RAD51B: variants seen among roughly 807,000 people sequenced by gnomAD.
RAD51B encodes the protein RAD51 paralog B, also known as DNA repair protein RAD51 homolog 2.
Under a neutral mutation model 42.2 loss-of-function variants are expected in RAD51B, and 38 were observed. The observed-to-expected ratio is 0.90, with a 90% CI of 0.70 to 1.18. The LOEUF is 1.18. Ranked by LOEUF, RAD51B falls within the 50% of genes most tolerant of loss-of-function variation. RAD51B has a pLI of 0.00. For missense variants in RAD51B, 373 were observed against 400.7 expected (o/e 0.93, Z 0.59); for synonymous variants, 154 against 145.2 (o/e 1.06, Z -0.43).
At chr14:67,976,957 A>T (rs1397456407) in intron 7 of RAD51B, among the ~76,000 whole-genome samples, 1 of 152,208 alleles carries the variant, frequency 6.6e-6, no homozygotes, top group Non-Finnish European at 1.5e-5. Context: ...CAAAAAACAC[A>T]TGAAAAAATG....
chr14:68,409,327 G>C (rs2084360528), intron 8 of RAD51B, among the ~76,000 whole-genome samples: 1 of 152,198 alleles, frequency 6.6e-6, no homozygotes, highest in Non-Finnish European at 1.5e-5. Context: ...TGAATTTCAA[G>C]AGAAATGGTA....
chr14:68,246,591 A>G (rs1271763868), intron 7 of RAD51B, among the ~76,000 whole-genome samples: 1 of 152,136 alleles, frequency 6.6e-6, no homozygotes, highest in Non-Finnish European at 1.5e-5. Context: ...GGCAGGAGTT[A>G]TCTTCTTTAC....
At chr14:68,192,901 T>C (rs1284426304) in intron 7 of RAD51B, among the ~76,000 whole-genome samples, 1 of 152,224 alleles carries the variant, frequency 6.6e-6, no homozygotes, top group Non-Finnish European at 1.5e-5. Flanking sequence ...TCAAGGAATT[T>C]AGTGATAGGT....
intron 7 of RAD51B, among the ~76,000 whole-genome samples, chr14:68,015,179 T>C (rs2075756411): frequency 6.6e-6 from 1 of 152,334 alleles, no homozygotes; most frequent in Admixed American, 6.5e-5. Context: ...ATTAAATATA[T>C]GTAAAGTGCT....
At chr14:68,434,244 G>A (rs2085089591) in intron 9 of RAD51B, among the ~76,000 whole-genome samples, 2 of 152,156 alleles carry the variant, frequency 1.3e-5, no homozygotes, top group South Asian at 2.1e-4. Context: ...ACTCTGTGCT[G>A]GGAGAACCAC....
chr14:68,564,672 G>T (rs984722714), intron 10 of RAD51B, among the ~76,000 whole-genome samples: 2 of 152,224 alleles, frequency 1.3e-5, no homozygotes, highest in African/African-American at 4.8e-5. Context: ...CACCACAAGG[G>T]CACCTTCCCA....
intron 4 of RAD51B, among the ~76,000 whole-genome samples, chr14:67,859,651 A>G (rs1166486569): frequency 6.6e-6 from 1 of 152,204 alleles, no homozygotes; most frequent in East Asian, 1.9e-4. Context: ...GTGACACATA[A>G]CTCAGTATCT....
chr14:68,238,793 T>C (rs1210344396), intron 7 of RAD51B, among the ~76,000 whole-genome samples: 1 of 152,216 alleles, frequency 6.6e-6, no homozygotes, highest in African/African-American at 2.4e-5. Flanking sequence ...TGATACTGGT[T>C]AACAATTCAG....
intron 10 of RAD51B, among the ~76,000 whole-genome samples, chr14:68,617,741 T>A (rs932487158): frequency 1.3e-5 from 2 of 152,260 alleles, no homozygotes; most frequent in African/African-American, 4.8e-5. Flanking sequence ...ATCTCATGGG[T>A]CATAGTTCTG....
At chr14:68,285,291 T>G (rs1315227848) in intron 7 of RAD51B, among the ~76,000 whole-genome samples, 1 of 152,200 alleles carries the variant, frequency 6.6e-6, no homozygotes, top group Non-Finnish European at 1.5e-5. Context: ...TCTGTTTGGA[T>G]AGAAAGGCTA....
At chr14:68,594,385 A>C (rs1890893883) in intron 10 of RAD51B, 1 of 1,163,134 alleles carries the variant, frequency 8.6e-7, no homozygotes, top group South Asian at 1.3e-5. Context: ...TGAACTCTCC[A>C]TCAGGTCTTC....
chr14:68,472,811 A>C (rs2086159546), intron 10 of RAD51B, among the ~76,000 whole-genome samples: 1 of 152,218 alleles, frequency 6.6e-6, no homozygotes, highest in Admixed American at 6.5e-5. Flanking sequence ...ATAGGGTGGC[A>C]GAAGAAAACA....
At chr14:68,605,032 G>A (rs866389698) in intron 10 of RAD51B, among the ~76,000 whole-genome samples, 6 of 152,270 alleles carry the variant, frequency 3.9e-5, no homozygotes, top group East Asian at 3.9e-4. Flanking sequence ...TGGCCCAGGC[G>A]GTGCTGCAGC....
intron 7 of RAD51B, among the ~76,000 whole-genome samples, chr14:68,115,703 T>C (rs1322125450): frequency 6.6e-6 from 1 of 152,120 alleles, no homozygotes; most frequent in Non-Finnish European, 1.5e-5. Context: ...TCATATTCTT[T>C]AACTCAAAGT....
intron 10 of RAD51B, among the ~76,000 whole-genome samples, chr14:68,620,935 T>C (rs997452496): frequency 1.3e-5 from 2 of 152,212 alleles, no homozygotes; most frequent in Admixed American, 6.5e-5. Flanking sequence ...CTGTTTTGTA[T>C]AGTAAACACT....
chr14:67,882,361 C>T (rs532806081), intron 5 of RAD51B, among the ~76,000 whole-genome samples: 16 of 152,320 alleles, frequency 1.1e-4, no homozygotes, highest in Non-Finnish European at 7.3e-5. Context: ...GGATCCTCCT[C>T]ATCATTTTAA....
At chr14:67,968,221 T>A (rs763968016) in intron 7 of RAD51B, among the ~76,000 whole-genome samples, 3 of 152,172 alleles carry the variant, frequency 2.0e-5, no homozygotes, top group Non-Finnish European at 4.4e-5. Context: ...GAAACCATTT[T>A]TTCCTCCTAG....
At chr14:68,182,062 G>A (rs968153730) in intron 7 of RAD51B, among the ~76,000 whole-genome samples, 3 of 152,180 alleles carry the variant, frequency 2.0e-5, no homozygotes, top group African/African-American at 7.2e-5. Flanking sequence ...GAATACAGTG[G>A]GTTAGGTGAA....
chr14:68,075,044 C>T (rs371358910), intron 7 of RAD51B, among the ~76,000 whole-genome samples: 1 of 152,174 alleles, frequency 6.6e-6, no homozygotes, highest in East Asian at 1.9e-4. Context: ...GTGCTCCCTC[C>T]CAAGCTTGGA....
Sources: gnomAD v4.1 joint callset for allele counts (sites outside exome capture counted in the v4.1 genomes callset) on GRCh38, gnomAD v4.1.1 for gene constraint, MANE v1.5 for transcripts, NCBI Gene and HGNC (gene_info 2026-07-23, HGNC 2026-07-21) for gene names.